ADK: variants seen among roughly 807,000 people sequenced by gnomAD.
The protein encoded by ADK is adenosine kinase.
In ADK, 24 loss-of-function variants were observed where a neutral mutation model predicts 44.7. The observed-to-expected ratio is 0.54, with a 90% confidence interval of 0.39 to 0.76. ADK has a LOEUF of 0.76. ADK is among the 30% of genes least tolerant of loss of function. The pLI, the probability that ADK is intolerant of heterozygous loss-of-function variation, is 0.00. For missense variants in ADK, 321 were observed against 425.1 expected (o/e 0.76, Z 2.15); for synonymous variants, 128 against 142.6 (o/e 0.90, Z 0.73).
intron 4 of ADK, among the ~76,000 whole-genome samples, chr10:74,349,178 C>A (rs1162386725): frequency 1.3e-5 from 2 of 152,164 alleles, no homozygotes; most frequent in Non-Finnish European, 2.9e-5. Flanking sequence ...GGTCAGGTTA[C>A]CTACAAAAGG....
chr10:74,471,784 C>A (rs532748244), intron 6 of ADK, among the ~76,000 whole-genome samples: 1 of 151,992 alleles, frequency 6.6e-6, no homozygotes, highest in East Asian at 1.9e-4. Flanking sequence ...TATTTGTTTT[C>A]TTAATTTTCT....
At chr10:74,634,051 C>CT (rs1447570170) in intron 9 of ADK, among the ~76,000 whole-genome samples, 1 of 152,160 alleles carries the variant, frequency 6.6e-6, no homozygotes, top group African/African-American at 2.4e-5. Flanking sequence ...CCAGCTAAGG[C>CT]TAAAAGAACT....
At chr10:74,546,901 A>C (rs947907894) in intron 7 of ADK, among the ~76,000 whole-genome samples, 6 of 152,150 alleles carry the variant, frequency 3.9e-5, no homozygotes, top group Non-Finnish European at 8.8e-5. Flanking sequence ...ATGCATGCTC[A>C]TTGTAGAGCG....
In ADK at chr10:74,224,555, A is replaced by G. The variant is rs1363540375; in HGVS notation, c.158A>G (p.Asn53Ser). The change falls in exon 3 of 11, where the codon AAT becomes AGT. Residue 53 changes from asparagine to serine, a missense_variant. By Grantham distance (46) the Asn-to-Ser change is conservative. Transcript: ENST00000539909. ...TTATACAGGTATTCTCTGAAACCAA[A>G]TGACCAAATCTTGGCTGAAGACAAA... Reference protein sequence around the residue: ...DFLDKYSLKPNDQILAEDKHK... With the variant: ...DFLDKYSLKPSDQILAEDKHK... 6.2e-7 allele frequency: 1 copy of G among 1,613,672 alleles called. No individual in the cohort carries two copies. Among genetic ancestry groups the G allele is most frequent in the Non-Finnish European group, 8.5e-7 (1 of 1,179,806 alleles).
chr10:74,346,038 G>A (rs757604835), intron 4 of ADK, among the ~76,000 whole-genome samples: 6 of 152,132 alleles, frequency 3.9e-5, no homozygotes, highest in African/African-American at 7.2e-5. Context: ...GGGACTGCAG[G>A]TACATGCCAC....
At chr10:74,502,249 T>A (rs1237689360) in intron 6 of ADK, among the ~76,000 whole-genome samples, 2 of 152,068 alleles carry the variant, frequency 1.3e-5, no homozygotes, top group Non-Finnish European at 2.9e-5. Flanking sequence ...TTTTTTTAAA[T>A]TTTTTTCTGG....
intron 4 of ADK, among the ~76,000 whole-genome samples, chr10:74,317,794 T>C (rs1162151749): frequency 1.3e-5 from 2 of 152,136 alleles, no homozygotes; most frequent in Non-Finnish European, 2.9e-5. Flanking sequence ...GTTTGTTTGT[T>C]TGTTTCAAGA....
intron 10 of ADK, among the ~76,000 whole-genome samples, chr10:74,697,604 AT>A: frequency 6.6e-6 from 1 of 152,346 alleles, no homozygotes; most frequent in Non-Finnish European, 1.5e-5. Context: ...ATGAAAAACT[AT>A]TAAGGAACTA....
chr10:74,413,506 T>C (rs1274551464), intron 6 of ADK, among the ~76,000 whole-genome samples: 1 of 152,232 alleles, frequency 6.6e-6, no homozygotes, highest in African/African-American at 2.4e-5. Context: ...CTTCAGACTT[T>C]TCTTGCACAG....
chr10:74,389,196 G>A (rs766921633), intron 4 of ADK, among the ~76,000 whole-genome samples: 3 of 152,216 alleles, frequency 2.0e-5, no homozygotes, highest in Non-Finnish European at 2.9e-5. Context: ...TGTGAACCAA[G>A]GGAAGGTAGG....
At chr10:74,559,434 C>T (rs185084246) in intron 7 of ADK, among the ~76,000 whole-genome samples, 29 of 152,308 alleles carry the variant, frequency 1.9e-4, no homozygotes, top group South Asian at 2.1e-4. Context: ...TATATGAATA[C>T]ATCATTGTTT....
intron 7 of ADK, among the ~76,000 whole-genome samples, chr10:74,570,253 G>A (rs1181355383): frequency 6.2e-4 from 94 of 152,234 alleles, no homozygotes; most frequent in Non-Finnish European, 1.6e-4. Flanking sequence ...ACTTGGCGAT[G>A]CGGGCTCTTT....
intron 6 of ADK, among the ~76,000 whole-genome samples, chr10:74,439,550 A>G (rs1845319977): frequency 6.6e-6 from 1 of 152,272 alleles, no homozygotes; most frequent in South Asian, 2.1e-4. Context: ...TTTTGACACA[A>G]AAGAGTTTAT....
Position 74,283,821 on chromosome 10 carries a change from C to T in ADK, c.195-30846C>T, listed in dbSNP as rs1174907476. ...TCAGCCTCCTGAGTAGCTGGGACTA[C>T]AGGTGCCCGCCACCACGCCTGGCTA... On this transcript the variant is annotated intron_variant, in intron 3 of 10. Coordinates refer to ENST00000539909, the MANE Select transcript of ADK (RefSeq NM_006721.4). Among the ~76,000 whole-genome samples the T allele has an allele frequency of 3.3e-5, 5 of 151,228 alleles. No homozygotes were observed. The South Asian group carries it at 1.0e-3, about 32-fold the overall frequency.
intron 9 of ADK, among the ~76,000 whole-genome samples, chr10:74,608,438 A>G (rs2133986632): frequency 6.6e-6 from 1 of 151,846 alleles, no homozygotes; most frequent in South Asian, 2.1e-4. Context: ...CTTTTTGTTG[A>G]TGTTGGTGCT....
intron 6 of ADK, among the ~76,000 whole-genome samples, chr10:74,500,704 A>G (rs1847859718): frequency 6.6e-6 from 1 of 152,250 alleles, no homozygotes; most frequent in Non-Finnish European, 1.5e-5. Flanking sequence ...TTTAAGTGAC[A>G]TATTCCGATG....
At chr10:74,423,988 C>T (rs920349251) in intron 6 of ADK, 4 of 159,190 alleles carry the variant, frequency 2.5e-5, no homozygotes, top group South Asian at 1.6e-4. Context: ...TCCACCAGGT[C>T]GTGTGCTGTG....
chr10:74,553,151 AG>A (rs1313602778), intron 7 of ADK, among the ~76,000 whole-genome samples: 1 of 149,768 alleles, frequency 6.7e-6, no homozygotes, highest in Non-Finnish European at 1.5e-5. Flanking sequence ...AGCAGCAAAC[AG>A]GCATGTTCAT....
intron 6 of ADK, among the ~76,000 whole-genome samples, chr10:74,504,797 C>G (rs1025120987): frequency 6.6e-6 from 1 of 152,014 alleles, no homozygotes; most frequent in African/African-American, 2.4e-5. Flanking sequence ...TCTCATGTGC[C>G]CTCTCTCGCC....
Sources: gnomAD v4.1 joint callset for allele counts (sites outside exome capture counted in the v4.1 genomes callset) on GRCh38, gnomAD v4.1.1 for gene constraint, MANE v1.5 for transcripts, NCBI Gene and HGNC (gene_info 2026-07-23, HGNC 2026-07-21) for gene names.